DPP7: variants seen among roughly 807,000 people sequenced by gnomAD.
DPP7 encodes dipeptidyl peptidase 2.
A neutral mutation model predicts 58.8 loss-of-function variants in DPP7; 74 were observed. The ratio of observed to expected loss-of-function variants is 1.26; its 90% CI spans 1.04 to 1.53. The LOEUF (loss-of-function observed/expected upper bound fraction) is 1.53. Among genes scored for constraint, DPP7 ranks in the 40% most tolerant of loss-of-function variants. DPP7 has a pLI of 0.00. For synonymous variants in DPP7, 350 were observed against 303.6 expected, an observed-to-expected ratio of 1.15 and a Z score of -1.59; for missense variants, 807 against 692.3, an observed-to-expected ratio of 1.17 and a Z score of -1.86.
rs200369064 is a variant in DPP7, at chr9:137,113,331, G to A, written c.621+30C>T. The A allele has an allele frequency of 1.9e-4, 301 of 1,613,016 alleles. 1 individual carries two copies. The African/African-American group carries it at 3.5e-3, about 19-fold the overall frequency. ...GCTGACTGCAGCTGCTGTCCCTTAG[G>A]GGGCCTGGAGGACCCCAAGCCTCAC... On this transcript the variant is annotated intron_variant, in intron 5 of 12. Transcript: ENST00000371579.
chr9:137,111,044 C>T (rs1050830536), intron 11 of DPP7, 94 bp from the exon 12 acceptor site: 10 of 1,269,380 alleles, frequency 7.9e-6, no homozygotes, highest in South Asian at 2.5e-5. Flanking sequence ...GAGGGCGAGC[C>T]GAGACTCAGT....
chr9:137,113,370 G>A lies in DPP7; in HGVS notation c.612C>T (p.Asp204=), dbSNP rs1372449436. 4.3e-6 allele frequency: 7 copies of A among 1,611,102 alleles called. No individual in the cohort carries two copies. Among genetic ancestry groups the A allele is most frequent in the South Asian group, 1.1e-5 (1 of 91,054 alleles). The change falls in exon 5 of 13, where the codon GAC becomes GAT. Residue 204 remains aspartate (D), a synonymous_variant. Transcript: ENST00000371579. The part of the protein sequence containing the change: ...GLGDSNQFFR[D]VTADFEGQSP... ...CCCAAGCCTCACTCACCGCCGTGAC[G>A]TCCCGGAAGAACTGGTTGGAGTCGC...
At chr9:137,117,607 T>G (rs1213380459), upstream of DPP7, among the ~76,000 whole-genome samples, 1 of 152,188 alleles carries the variant, frequency 6.6e-6, no homozygotes, top group Non-Finnish European at 1.5e-5. Flanking sequence ...AGTCCCACCC[T>G]CTATGGCTCA....
chr9:137,117,128 G>T (rs569070209), upstream of DPP7, among the ~76,000 whole-genome samples: 3 of 152,214 alleles, frequency 2.0e-5, no homozygotes, highest in South Asian at 4.1e-4. Flanking sequence ...TGGGCCCACT[G>T]CCTTCTCTAT....
upstream of DPP7, among the ~76,000 whole-genome samples, chr9:137,116,927 G>C (rs1055601979): frequency 1.3e-5 from 2 of 152,230 alleles, no homozygotes; most frequent in Non-Finnish European, 2.9e-5. Context: ...TGGCCTACGT[G>C]CACATCCGGG....
At chr9:137,115,847 A>G (rs1588670759), upstream of DPP7, among the ~76,000 whole-genome samples, 1 of 151,988 alleles carries the variant, frequency 6.6e-6, no homozygotes, top group Admixed American at 6.5e-5. Flanking sequence ...ATCCCTACGC[A>G]GTTCCTGGGG....
Position 137,111,920 on chromosome 9 carries a change from C to A in DPP7, c.1160G>T (p.Gly387Val). The A allele has an allele frequency of 6.2e-7, 1 of 1,610,414 alleles. No homozygotes were observed. Among genetic ancestry groups the A allele is most frequent in the East Asian group, 2.2e-5 (1 of 44,510 alleles). Residue 387 changes from glycine to valine, a missense_variant, in exon 10 of 13, where the codon GGC (glycine) becomes GTC (valine). By Grantham distance (109) the Gly-to-Val change is moderately radical. Coordinates refer to ENST00000371579, the MANE Select transcript of DPP7 (RefSeq NM_013379.3). Reference protein sequence around the residue: ...LRQRYCLDTWGVWPRPDWLLT... With the variant: ...LRQRYCLDTWVVWPRPDWLLT... ...CAGCCAGTCGGGCCGGGGCCACACG[C>A]CCCAGGTGTCCAGGCAGTACCGCTG... is the stretch of plus-strand genomic sequence containing the variant.
chr9:137,114,952 G>A (rs1831585545), upstream of DPP7: 3 of 327,532 alleles, frequency 9.2e-6, no homozygotes, highest in Non-Finnish European at 1.7e-5. Context: ...GCGGCCTCCC[G>A]CCCCACTGGC....
At chr9:137,113,661 T>C (rs1230927765) in intron 4 of DPP7, 165 bp from the exon 5 acceptor site, 1 of 1,426,842 alleles carries the variant, frequency 7.0e-7, no homozygotes, top group Non-Finnish European at 9.1e-7. Flanking sequence ...AGGCCGCTAG[T>C]GTGGCCGCAC....
rs1434095690 is a variant in DPP7 at position 137,113,982 on chromosome 9, C to T, written c.368G>A (p.Arg123His). ...SLPFGAQSTQ[R>H]GHTELLTVEQ... The stretch of plus-strand genomic sequence containing the variant: ...CACCGTCAGCAGCTCCGTGTGCCCG[C>T]GCTGCGTGGACTGCGCACCGAACGG... The change falls in exon 4 of 13, where the codon CGC becomes CAC. Residue 123 changes from arginine (R) to histidine (H), a missense_variant. By Grantham distance (29) the Arg-to-His change is conservative. Around this residue, in one of 3 missense-constraint regions of DPP7, gnomAD observed 624 missense variants for 531.2 expected, o/e 1.17. Transcript: ENST00000371579. The T allele has an allele frequency of 1.9e-6, 3 of 1,577,650 alleles. No individual in the cohort carries two copies. Among genetic ancestry groups the T allele is most frequent in the Non-Finnish European group, 2.6e-6 (3 of 1,166,126 alleles).
chr9:137,112,171 T>G lies in DPP7; in HGVS notation c.991A>C (p.Ser331Arg). The change falls in exon 9 of 13, where the codon AGC becomes CGC. Residue 331 changes from serine to arginine, a missense_variant. This residue lies in a region of DPP7 where 624 missense variants were observed against 531.2 expected (regional missense o/e 1.17). Coordinates refer to ENST00000371579, the MANE Select transcript of DPP7 (RefSeq NM_013379.3). ...CCGCAGCCAGTGGGGTCAGCACAGC[T>G]GTGGTAGAGCCGGTAGATGTCGTAG... ...HCYDIYRLYH[S>R]CADPTGCGTG... 2 of 1,608,680 alleles carry G rather than the reference T, an allele frequency of 1.2e-6. No individual in the cohort carries two copies. Among genetic ancestry groups the G allele is most frequent in the Non-Finnish European group, 1.7e-6 (2 of 1,179,642 alleles).
At chr9:137,113,622 C>G (rs764873848) in intron 4 of DPP7, 126 bp from the exon 5 acceptor site, 3 of 1,433,752 alleles carry the variant, frequency 2.1e-6, no homozygotes, top group African/African-American at 1.4e-5. Flanking sequence ...CAACCCTGGG[C>G]CAGGTGCGGG....
In DPP7 at chr9:137,114,229, C is replaced by A. The variant is rs746924961; in HGVS notation, c.321+14G>T. The A allele has an allele frequency of 1.3e-6, 2 of 1,494,996 alleles. 1 individual carries two copies. The highest frequency in any genetic ancestry group is 2.9e-5 in the African/African-American group (2 of 68,606). 92.6% of individuals were successfully genotyped at this position (1,494,996 alleles called of 1,614,324 possible). A position where few individuals can be genotyped will look rare whatever the true frequency, so the allele number is the denominator to read the frequency against. ...TGCCCCGCGACCCCGCCCGCGACCC[C>A]GCCCGGCACCCACGTGCTCCGCGAA... On this transcript the variant is annotated intron_variant, in intron 3 of 12. Coordinates refer to ENST00000371579, the MANE Select transcript of DPP7 (RefSeq NM_013379.3).
rs1292313703 is a variant in DPP7 at position 137,113,803 on chromosome 9, G to A, written c.485+62C>T. ...GAGTCAGAGGGGAGTGGGGAGAAGG[G>A]CTGGGGGCGCTGGGTCGGGGCAGGG... On this transcript the variant is annotated intron_variant, in intron 4 of 12. Coordinates refer to ENST00000371579, the MANE Select transcript of DPP7 (RefSeq NM_013379.3). The A allele has an allele frequency of 1.9e-5, 27 of 1,385,066 alleles. No homozygotes were observed. In the East Asian group the frequency reaches 5.5e-4, roughly 28 times the overall value. 85.8% of individuals were successfully genotyped at this position (1,385,066 alleles called of 1,614,324 possible). A position where few individuals can be genotyped will look rare whatever the true frequency, so the allele number is the denominator to read the frequency against.
Position 137,113,079 on chromosome 9 carries a change from C to T in DPP7, c.744G>A (p.Pro248=), listed in dbSNP as rs755230078. ...TVRWEFGTCQ[P]LSDEKDLTQL... is the part of the protein sequence containing the mutation. ...GGGTCAGGTCCTTCTCGTCTGACAG[C>T]GGCTGGCAGGTGCCGAACTCCCAGC... The change falls in exon 7 of 13, where the codon CCG becomes CCA. Residue 248 remains proline, a synonymous_variant. Transcript: ENST00000371579. The T allele has an allele frequency of 1.5e-5, 25 of 1,613,748 alleles. No individual in the cohort carries two copies. Among genetic ancestry groups the T allele is most frequent in the Admixed American group, 3.3e-5 (2 of 60,012 alleles).
Position 137,111,873 on chromosome 9 carries a change from C to T in DPP7, c.1207G>A (p.Asp403Asn), listed in dbSNP as rs755812109. The T allele has an allele frequency of 2.8e-6, 4 of 1,448,608 alleles. No individual in the cohort carries two copies. The highest frequency in any genetic ancestry group is 1.1e-5 in the South Asian group (1 of 87,442). 89.7% of individuals were successfully genotyped at this position (1,448,608 alleles called of 1,614,324 possible). ...DWLLTSFWGG[D>N]LRAASNIIFS... ...CTGGCCCACCCCCCCTCAGCCTTAC[C>T]ACCCCCCCAGAAGCTGGTCAGCAGC... is the stretch of plus-strand genomic sequence containing the variant. The change falls in exon 10 of 13, where the codon GAT (aspartate) becomes AAT (asparagine). Residue 403 changes from aspartate to asparagine, a missense_variant and splice_region_variant. This residue lies in a region of DPP7 where 624 missense variants were observed against 531.2 expected (regional missense o/e 1.17). Transcript: ENST00000371579.
In DPP7 at chr9:137,113,491, C is replaced by A. The variant is rs747684915; in HGVS notation, c.491G>T (p.Gly164Val). The change falls in exon 5 of 13, where the codon GGG becomes GTG. Residue 164 changes from glycine (G) to valine (V), a missense_variant. This residue lies in a region of DPP7 where 624 missense variants were observed against 531.2 expected (regional missense o/e 1.17). Transcript: ENST00000371579. ...APAIAFGGSYGGMLSAYLRMK... is the reference protein window; with the variant it reads ...APAIAFGGSYVGMLSAYLRMK... ...CCTCAGGTAGGCACTGAGCATCCCC[C>A]CATAACTGGGTGAGGGACACAGGGT... The A allele has an allele frequency of 1.9e-6, 3 of 1,563,146 alleles. No homozygotes were observed. In the African/African-American group the frequency reaches 4.1e-5, roughly 21 times the overall value.
At position 137,111,954 on chromosome 9, in the gene DPP7, C is replaced by T. The variant is rs916095987; in HGVS notation, c.1126G>A (p.Glu376Lys). 29 of 1,612,858 alleles carry T rather than the reference C, an allele frequency of 1.8e-5. No individual in the cohort carries two copies. Among genetic ancestry groups the T allele is most frequent in the Non-Finnish European group, 2.2e-5 (26 of 1,179,498 alleles). ...TCCAGGCAGTACCGCTGGCGGAGCT[C>T]GTCAGTGAAGGGCAGGTCCGGGAAC... ...DMFPDLPFTD[E>K]LRQRYCLDTW... The change falls in exon 10 of 13, where the codon GAG becomes AAG. Residue 376 changes from glutamate to lysine, a missense_variant. Coordinates refer to ENST00000371579, the MANE Select transcript of DPP7 (RefSeq NM_013379.3).
upstream of DPP7, among the ~76,000 whole-genome samples, chr9:137,115,884 G>C (rs1588670824): frequency 1.3e-5 from 2 of 152,160 alleles, no homozygotes; most frequent in Admixed American, 1.3e-4. Flanking sequence ...CCGCAGGACG[G>C]GGGTGAGGAC....
Sources: gnomAD v4.1 joint callset for allele counts (sites outside exome capture counted in the v4.1 genomes callset) on GRCh38, gnomAD v4.1.1 for gene constraint, gnomAD v4.1.1 regional missense constraint, MANE v1.5 for transcripts, NCBI Gene and HGNC (gene_info 2026-07-23, HGNC 2026-07-21) for gene names.